VRK3: variants seen among roughly 807,000 people sequenced by gnomAD.
VRK3 encodes VRK serine/threonine kinase 3.
A neutral mutation model predicts 60.4 loss-of-function variants in VRK3; 50 were observed. The ratio of observed to expected loss-of-function variants is 0.83; its 90% CI spans 0.66 to 1.05. VRK3 has a LOEUF of 1.05. Ranked by LOEUF, VRK3 falls within the 50% of genes least tolerant of loss-of-function variation. The probability of loss-of-function intolerance (pLI) is 0.00; values close to 1 mark genes in which losing one functional copy is unlikely to be tolerated. For synonymous variants in VRK3, 246 were observed against 227.8 expected (o/e 1.08, Z -0.72); for missense variants, 549 against 585.3 (o/e 0.94, Z 0.64).
chr19:49,992,992 G>A lies in VRK3; in HGVS notation c.871-40C>T, dbSNP rs565495392. ...AAGTCAGTGTCTGCATGAGCAGTAC[G>A]ACTAACACAGAGAGGCTATGGTGCA... is the stretch of plus-strand genomic sequence containing the variant. On this transcript the variant is annotated intron_variant, in intron 9 of 14. Transcript: ENST00000316763. 1.3e-5 allele frequency: 20 copies of A among 1,568,006 alleles called. 1 individual carries two copies. The highest frequency in any genetic ancestry group is 1.7e-4 in the Middle Eastern group (1 of 5,842).
chr19:49,989,316 T>C (rs2076570656), intron 11 of VRK3, among the ~76,000 whole-genome samples: 1 of 152,164 alleles, frequency 6.6e-6, no homozygotes, highest in African/African-American at 2.4e-5. Context: ...ACACTCCAGA[T>C]GTGGTGGCCA....
At chr19:50,000,906 G>T in intron 5 of VRK3, 52 bp from the exon 6 acceptor site, 1 of 1,558,318 alleles carries the variant, frequency 6.4e-7, no homozygotes, top group Non-Finnish European at 8.8e-7. Context: ...GAAGGTCAGG[G>T]TCATCATCCC....
At chr19:49,984,506 C>T (rs2076479446) in intron 12 of VRK3, among the ~76,000 whole-genome samples, 1 of 152,178 alleles carries the variant, frequency 6.6e-6, no homozygotes, top group South Asian at 2.1e-4. Flanking sequence ...GCTTCCTGTC[C>T]GTGTCTCCTC....
At chr19:49,980,707 A>G (rs1234604817) in intron 13 of VRK3, among the ~76,000 whole-genome samples, 1 of 151,116 alleles carries the variant, frequency 6.6e-6, no homozygotes, top group Non-Finnish European at 1.5e-5. Context: ...TCAGAGCTAG[A>G]CCCTGTCTTA....
chr19:49,997,247 A>G (rs1442163208), intron 7 of VRK3: 8 of 340,344 alleles, frequency 2.4e-5, no homozygotes, highest in Non-Finnish European at 3.8e-5. Context: ...AGCCTCCCAA[A>G]GTGCTGGGAG....
intron 5 of VRK3, chr19:50,001,111 C>T (rs73935127): frequency 0.023 from 9,411 of 409,544 alleles, 787 homozygotes; most frequent in African/African-American, 0.18. Flanking sequence ...GGTCTGGGAC[C>T]CTGGATTCCG....
chr19:49,994,026 G>A (rs983546719), intron 9 of VRK3, among the ~76,000 whole-genome samples: 2 of 152,034 alleles, frequency 1.3e-5, no homozygotes, highest in African/African-American at 4.8e-5. Flanking sequence ...CCTGCTGTGC[G>A]AGGCCCCGTG....
intron 1 of VRK3, among the ~76,000 whole-genome samples, chr19:50,023,745 G>C (rs1033517869): frequency 4.6e-5 from 7 of 152,080 alleles, no homozygotes; most frequent in Non-Finnish European, 1.0e-4. Context: ...TGGGTGGGGG[G>C]GGTCCCCAGC....
intron 5 of VRK3, among the ~76,000 whole-genome samples, chr19:50,001,707 G>A (rs779694255): frequency 1.2e-4 from 19 of 152,184 alleles, no homozygotes; most frequent in Non-Finnish European, 1.8e-4. Flanking sequence ...GGCTTCACAT[G>A]CATGGTCCCA....
chr19:50,011,928 C>T (rs1193225359), intron 3 of VRK3, among the ~76,000 whole-genome samples: 1 of 152,142 alleles, frequency 6.6e-6, no homozygotes, highest in Non-Finnish European at 1.5e-5. Flanking sequence ...CATACCATGT[C>T]CCAGTGGCTG....
Position 49,979,213 on chromosome 19 carries a change from T to G in VRK3, c.1306A>C (p.Met436Leu). ...ETLQKYLKVV[M>L]ALTYEEKPPY... is the part of the protein sequence containing the mutation. Reference sequence around the variant, plus strand: ...GGCTTCTCCTCATACGTGAGGGCCATCACCACCTTCAGGTACTTCTGCAGG... The same window carrying G: ...GGCTTCTCCTCATACGTGAGGGCCAGCACCACCTTCAGGTACTTCTGCAGG... The change falls in exon 14 of 15, where the codon ATG becomes CTG. Residue 436 changes from methionine to leucine, a missense_variant. Coordinates refer to ENST00000316763, the MANE Select transcript of VRK3 (RefSeq NM_016440.4). 1 of 1,613,786 alleles carries G rather than the reference T, an allele frequency of 6.2e-7. No individual in the cohort carries two copies. Among genetic ancestry groups the G allele is most frequent in the Non-Finnish European group, 8.5e-7 (1 of 1,179,980 alleles).
intron 12 of VRK3, chr19:49,981,994 C>T (rs142802388): frequency 8.1e-5 from 52 of 638,728 alleles, no homozygotes; most frequent in Admixed American, 6.1e-4. Context: ...CCAGCGGGGC[C>T]GTCAAGTAGG....
intron 10 of VRK3, among the ~76,000 whole-genome samples, chr19:49,992,099 TTG>T (rs1282270607): frequency 6.6e-6 from 1 of 152,198 alleles, no homozygotes; most frequent in Admixed American, 6.5e-5. Context: ...AGACAGGAAC[TTG>T]TGGATCAAAA....
intron 6 of VRK3, chr19:49,998,043 T>A (rs766934401): frequency 3.3e-5 from 5 of 152,598 alleles, no homozygotes; most frequent in African/African-American, 1.2e-4. Flanking sequence ...AGGTTATGCG[T>A]TGAAAATGTT....
chr19:49,992,945 G>C lies in VRK3; in HGVS notation c.878C>G (p.Ala293Gly). The C allele has an allele frequency of 6.2e-7, 1 of 1,611,940 alleles. No individual in the cohort carries two copies. The highest frequency in any genetic ancestry group is 1.7e-5 in the Admixed American group (1 of 60,024). The part of the protein sequence containing the change: ...VLQVACRLLD[A>G]LEFLHENEYV... ...CTCATTCTCATGGAGGAACTCCAGG[G>C]CATCCAGCTGGGGGAAGAAGCAAGT... Residue 293 changes from alanine (A) to glycine (G), a missense_variant, in exon 10 of 15, where the codon GCC becomes GGC. Transcript: ENST00000316763.
chr19:50,018,701 C>A (rs946415052), intron 2 of VRK3, among the ~76,000 whole-genome samples: 1 of 152,174 alleles, frequency 6.6e-6, no homozygotes, highest in African/African-American at 2.4e-5. Context: ...AAAATAACAT[C>A]TCTTTCTCAA....
intron 1 of VRK3, among the ~76,000 whole-genome samples, chr19:50,022,634 A>C (rs998223012): frequency 7.6e-6 from 1 of 132,014 alleles, no homozygotes; most frequent in African/African-American, 3.7e-5. Context: ...AAAAAAGTAC[A>C]AAAAAAAAAA....
chr19:49,981,157 T>C (rs1022401724), intron 12 of VRK3, 144 bp from the exon 13 acceptor site: 1 of 752,296 alleles, frequency 1.3e-6, no homozygotes, highest in African/African-American at 1.7e-5. Context: ...TTAAAGTCAC[T>C]GTGAACACTG....
chr19:50,000,591 G>A, intron 6 of VRK3, 199 bp downstream of exon 6: 2 of 621,468 alleles, frequency 3.2e-6, no homozygotes, highest in Non-Finnish European at 5.7e-6. Flanking sequence ...GACTTGGGTG[G>A]ATCCAACTGT....
Sources: allele counts gnomAD v4.1 joint callset (sites outside exome capture counted in the v4.1 genomes callset), GRCh38; gene constraint gnomAD v4.1.1; transcripts MANE v1.5; gene names NCBI Gene and HGNC (gene_info 2026-07-23, HGNC 2026-07-21).